The following SMYD3 variants were observed in gnomAD, a reference collection of about 807,000 sequenced individuals.
SMYD3 encodes the protein SET and MYND domain containing 3.
A neutral mutation model predicts 57.7 loss-of-function variants in SMYD3; 36 were observed. The observed-to-expected ratio is 0.62, with a 90% CI of 0.48 to 0.82. The LOEUF is 0.82. Among genes scored for constraint, SMYD3 ranks in the 40% least tolerant of loss-of-function variants. The pLI, the probability that SMYD3 is intolerant of heterozygous loss-of-function variation, is 0.00. For synonymous variants in SMYD3, 211 were observed against 195.0 expected (o/e 1.08, Z -0.68); for missense variants, 515 against 538.8 (o/e 0.96, Z 0.44).
At chr1:246,448,716 A>T (rs1260632006) in intron 1 of SMYD3, among the ~76,000 whole-genome samples, 2 of 150,320 alleles carry the variant, frequency 1.3e-5, no homozygotes, top group Admixed American at 1.3e-4. Flanking sequence ...AAAAAAAAAA[A>T]AAAAAAAAAA....
intron 5 of SMYD3, among the ~76,000 whole-genome samples, chr1:246,204,095 A>T (rs2062960110): frequency 6.6e-6 from 1 of 152,212 alleles, no homozygotes; most frequent in Non-Finnish European, 1.5e-5. Context: ...GTGTTTTGTA[A>T]GAGAACCCAG....
Position 246,341,298 on chromosome 1 carries a change from A to T in SMYD3, c.229-5824T>A, listed in dbSNP as rs538638771. 9.8e-5 allele frequency among the ~76,000 whole-genome samples: 15 copies of T among 152,306 alleles called. 1 individual carries two copies. In the South Asian group the frequency reaches 3.1e-3, roughly 32 times the overall value. The stretch of plus-strand genomic sequence containing the variant: ...AAATCTAGTTGCAACTCAAAGCATG[A>T]TTTAAATGTGTTAATTTTTAAATGT... On this transcript the variant is annotated intron_variant, in intron 2 of 11. Coordinates refer to ENST00000490107, the MANE Select transcript of SMYD3 (RefSeq NM_001167740.2).
chr1:246,422,893 T>C (rs1185190010), intron 1 of SMYD3, among the ~76,000 whole-genome samples: 1 of 152,122 alleles, frequency 6.6e-6, no homozygotes, highest in Middle Eastern at 3.2e-3. Context: ...CAGGCACTGT[T>C]CTAGAGGATA....
chr1:246,167,713 G>A (rs1333771391), intron 5 of SMYD3, among the ~76,000 whole-genome samples: 1 of 152,010 alleles, frequency 6.6e-6, no homozygotes, highest in Non-Finnish European at 1.5e-5. Flanking sequence ...GTTTCTCCAC[G>A]TTGGCCAGGC....
chr1:246,088,575 A>C lies in SMYD3; in HGVS notation c.532-158638T>G, dbSNP rs1049513938. On this transcript the variant is annotated intron_variant, in intron 5 of 11. Transcript: ENST00000490107. ...CAGTGAGCCGAGATCATGCCACTGCACTCCAGCCTGGGCGACAGGGCGAGA... is the reference window on the plus strand; with the variant it reads ...CAGTGAGCCGAGATCATGCCACTGCCCTCCAGCCTGGGCGACAGGGCGAGA... Among the ~76,000 whole-genome samples the C allele has an allele frequency of 2.4e-5, 3 of 125,268 alleles. 1 individual carries two copies. Among genetic ancestry groups the C allele is most frequent in the African/African-American group, 4.1e-5 (1 of 24,686 alleles). 82.2% of individuals were successfully genotyped at this position (125,268 alleles called of 152,430 possible).
intron 5 of SMYD3, among the ~76,000 whole-genome samples, chr1:246,121,842 G>A (rs1243010586): frequency 5.3e-5 from 8 of 152,102 alleles, no homozygotes; most frequent in Non-Finnish European, 8.8e-5. Flanking sequence ...TCTGTGACAA[G>A]AGCATCACAA....
At position 245,817,064 on chromosome 1, in the gene SMYD3, C is replaced by T. The variant is rs555538535; in HGVS notation, c.1076+41432G>A. On this transcript the variant is annotated intron_variant, in intron 10 of 11. Transcript: ENST00000490107. ...CCCACCACAGCTCAAGGAGGCCTGC[C>T]TGCCTCTGTAGGCTCCACCTCTGGG... Among the ~76,000 whole-genome samples, 9 of 151,546 alleles carry T rather than the reference C, an allele frequency of 5.9e-5. 1 individual carries two copies. Among genetic ancestry groups the T allele is most frequent in the South Asian group, 4.2e-4 (2 of 4,764 alleles).
intron 5 of SMYD3, among the ~76,000 whole-genome samples, chr1:246,031,476 G>A (rs573487604): frequency 2.6e-4 from 39 of 152,190 alleles, no homozygotes; most frequent in African/African-American, 9.2e-4. Context: ...AGTGGCTCAC[G>A]GCTATAATCC....
At chr1:246,108,748 C>A (rs2061175044) in intron 5 of SMYD3, 1 of 152,254 alleles carries the variant, frequency 6.6e-6, no homozygotes, top group Non-Finnish European at 1.5e-5. Flanking sequence ...CCAGCTCAGT[C>A]CAGCTAGCAA....
chr1:245,993,603 T>TAGATAGACAGAC (rs1553382208), intron 5 of SMYD3, among the ~76,000 whole-genome samples: 1 of 45,162 alleles, frequency 2.2e-5, no homozygotes, highest in African/African-American at 4.7e-5. Context: ...GATAGATAGA[T>TAGATAGACAGAC]AGATAGATAG....
At chr1:245,890,596 A>G (rs1018044280) in intron 8 of SMYD3, among the ~76,000 whole-genome samples, 1 of 152,238 alleles carries the variant, frequency 6.6e-6, no homozygotes. Context: ...GATGTGGAAA[A>G]AAAGGGAACC....
chr1:245,985,366 C>T (rs2058683064), intron 5 of SMYD3, among the ~76,000 whole-genome samples: 1 of 152,126 alleles, frequency 6.6e-6, no homozygotes. Flanking sequence ...TATATTTGTC[C>T]AATAGGCATC....
chr1:246,141,244 C>T (rs1171292838), intron 5 of SMYD3, among the ~76,000 whole-genome samples: 1 of 152,152 alleles, frequency 6.6e-6, no homozygotes, highest in Non-Finnish European at 1.5e-5. Flanking sequence ...CTCTCTCTAA[C>T]AACCCATACT....
intron 5 of SMYD3, among the ~76,000 whole-genome samples, chr1:246,135,250 G>C (rs776660005): frequency 6.6e-6 from 1 of 152,092 alleles, no homozygotes; most frequent in East Asian, 1.9e-4. Flanking sequence ...AGGACCTTTG[G>C]TCCCATTCAT....
intron 5 of SMYD3, among the ~76,000 whole-genome samples, chr1:246,292,817 C>G (rs1188394655): frequency 2.0e-5 from 3 of 152,008 alleles, no homozygotes; most frequent in Non-Finnish European, 4.4e-5. Context: ...GCTGAGCAAA[C>G]AACAGGAAGC....
At chr1:245,847,727 T>C (rs1416214737) in intron 10 of SMYD3, among the ~76,000 whole-genome samples, 1 of 152,210 alleles carries the variant, frequency 6.6e-6, no homozygotes, top group African/African-American at 2.4e-5. Flanking sequence ...GGTATCCTGC[T>C]GCTTAGAGTA....
chr1:246,006,985 C>G (rs977866865), intron 5 of SMYD3, among the ~76,000 whole-genome samples: 1 of 152,220 alleles, frequency 6.6e-6, no homozygotes, highest in African/African-American at 2.4e-5. Flanking sequence ...CTCCTCCCTT[C>G]CTTCCTGTTA....
intron 8 of SMYD3, among the ~76,000 whole-genome samples, chr1:245,891,175 G>A (rs2053363800): frequency 6.6e-6 from 1 of 152,100 alleles, no homozygotes; most frequent in Admixed American, 6.5e-5. Context: ...GGTGACCAGA[G>A]TCTACAATAA....
chr1:245,827,977 A>C (rs189056006), intron 10 of SMYD3, among the ~76,000 whole-genome samples: 1 of 152,222 alleles, frequency 6.6e-6, no homozygotes, highest in Non-Finnish European at 1.5e-5. Context: ...GTGGGCAGAC[A>C]CGAGGAAAGA....
Sources: allele counts gnomAD v4.1 joint callset (sites outside exome capture counted in the v4.1 genomes callset), GRCh38; gene constraint gnomAD v4.1.1; transcripts MANE v1.5; gene names NCBI Gene and HGNC (gene_info 2026-07-23, HGNC 2026-07-21).